ALK: variants seen among roughly 807,000 people sequenced by gnomAD.
The protein encoded by ALK is ALK tyrosine kinase receptor.
Under a neutral mutation model 163.1 loss-of-function variants are expected in ALK, and 74 were observed. The ratio of observed to expected loss-of-function variants is 0.45; its 90% CI spans 0.38 to 0.55. ALK has a LOEUF of 0.55. Ranked by LOEUF, ALK falls within the 20% of genes least tolerant of loss-of-function variation. The probability of loss-of-function intolerance (pLI) is 0.00; values close to 1 mark genes in which losing one functional copy is unlikely to be tolerated. For synonymous variants in ALK, 960 were observed against 843.2 expected (o/e 1.14, Z -2.40); for missense variants, 2,063 against 2,105.3 (o/e 0.98, Z 0.39).
intron 1 of ALK, among the ~76,000 whole-genome samples, chr2:29,811,602 C>T (rs1664762444): frequency 6.6e-6 from 1 of 152,150 alleles, no homozygotes; most frequent in Non-Finnish European, 1.5e-5. Context: ...TATTCCCGTG[C>T]TCCTAACACA....
intron 5 of ALK, among the ~76,000 whole-genome samples, chr2:29,345,812 A>G (rs1667933169): frequency 6.6e-6 from 1 of 152,208 alleles, no homozygotes; most frequent in Non-Finnish European, 1.5e-5. Flanking sequence ...GAAAATTTTC[A>G]TAATAAATTA....
At chr2:29,502,193 C>T (rs1227369048) in intron 4 of ALK, among the ~76,000 whole-genome samples, 2 of 152,172 alleles carry the variant, frequency 1.3e-5, no homozygotes, top group Non-Finnish European at 2.9e-5. Context: ...ATAGTCCATG[C>T]AGCACCCTTA....
chr2:29,305,970 C>T (rs1172613887), intron 8 of ALK, among the ~76,000 whole-genome samples: 1 of 152,098 alleles, frequency 6.6e-6, no homozygotes, highest in Non-Finnish European at 1.5e-5. Flanking sequence ...AGAGCTCTGG[C>T]AGTAACGCGA....
intron 1 of ALK, among the ~76,000 whole-genome samples, chr2:29,745,657 C>A (rs1680190307): frequency 6.6e-6 from 1 of 152,204 alleles, no homozygotes; most frequent in African/African-American, 2.4e-5. Flanking sequence ...AAAAGTCCTT[C>A]TCAGATTATC....
intron 4 of ALK, among the ~76,000 whole-genome samples, chr2:29,410,233 T>C (rs1413651573): frequency 6.6e-6 from 1 of 152,204 alleles, no homozygotes; most frequent in Non-Finnish European, 1.5e-5. Context: ...CCTCCCATTC[T>C]ATTCAAAGTC....
intron 4 of ALK, among the ~76,000 whole-genome samples, chr2:29,429,117 G>T (rs1035769093): frequency 3.9e-5 from 6 of 151,904 alleles, no homozygotes; most frequent in African/African-American, 1.4e-4. Flanking sequence ...CTAATAAAGG[G>T]CATCTACAAA....
At chr2:29,710,940 C>T (rs141770700) in intron 2 of ALK, among the ~76,000 whole-genome samples, 2 of 152,170 alleles carry the variant, frequency 1.3e-5, no homozygotes, top group African/African-American at 2.4e-5. Flanking sequence ...AACTTGATTA[C>T]GGTGGATCTC....
intron 4 of ALK, among the ~76,000 whole-genome samples, chr2:29,490,124 G>A (rs1158448606): frequency 6.6e-6 from 1 of 152,240 alleles, no homozygotes; most frequent in Non-Finnish European, 1.5e-5. Flanking sequence ...TAGGCAGCGA[G>A]TATGCCTTGA....
At chr2:29,440,473 C>T (rs2148080819) in intron 4 of ALK, among the ~76,000 whole-genome samples, 1 of 152,066 alleles carries the variant, frequency 6.6e-6, no homozygotes, top group Non-Finnish European at 1.5e-5. Context: ...TCTGCCACCA[C>T]ACCCAGCTAA....
At chr2:29,704,020 C>A (rs1027119475) in intron 2 of ALK, among the ~76,000 whole-genome samples, 3 of 152,318 alleles carry the variant, frequency 2.0e-5, no homozygotes, top group African/African-American at 7.2e-5. Flanking sequence ...GCTTCACTTA[C>A]TGGCCCCTCC....
intron 1 of ALK, among the ~76,000 whole-genome samples, chr2:29,905,163 C>T (rs1052008007): frequency 6.6e-6 from 1 of 152,206 alleles, no homozygotes; most frequent in Non-Finnish European, 1.5e-5. Flanking sequence ...ATCAAACATT[C>T]TCATTACTTA....
intron 3 of ALK, among the ~76,000 whole-genome samples, chr2:29,580,871 G>A (rs1674669340): frequency 1.3e-5 from 2 of 152,312 alleles, no homozygotes; most frequent in African/African-American, 2.4e-5. Context: ...GCTGAGGGAC[G>A]GCTCCTATGC....
intron 1 of ALK, among the ~76,000 whole-genome samples, chr2:29,821,088 G>A (rs1276189829): frequency 6.6e-6 from 1 of 152,248 alleles, no homozygotes; most frequent in Non-Finnish European, 1.5e-5. Flanking sequence ...AGGGGATCGA[G>A]ACTACTGCCA....
At chr2:29,540,249 T>C (rs1444607572) in intron 3 of ALK, among the ~76,000 whole-genome samples, 1 of 152,174 alleles carries the variant, frequency 6.6e-6, no homozygotes, top group African/African-American at 2.4e-5. Flanking sequence ...AGATGTCACT[T>C]TCTGACAGGC....
rs189661286 is a variant in ALK at position 29,528,337 on chromosome 2, G to A, written c.1154+3578C>T. 2.1e-3 allele frequency among the ~76,000 whole-genome samples: 323 copies of A among 152,258 alleles called. 6 individuals are homozygous for A. Among genetic ancestry groups the A allele is most frequent in the Non-Finnish European group, 5.4e-4 (37 of 68,018 alleles). ...CCATCAAGCTTGCGTTCTTGCATCC[G>A]GGAGAGGACCAATTTTACACAGACA... On this transcript the variant is annotated intron_variant, in intron 4 of 28. Transcript: ENST00000389048.
At chr2:29,815,874 C>T (rs1467684173) in intron 1 of ALK, among the ~76,000 whole-genome samples, 1 of 152,106 alleles carries the variant, frequency 6.6e-6, no homozygotes, top group Non-Finnish European at 1.5e-5. Flanking sequence ...TGTAAGGAGT[C>T]CATGAATGTT....
intron 4 of ALK, among the ~76,000 whole-genome samples, chr2:29,458,171 C>T (rs1226533079): frequency 6.6e-6 from 1 of 152,152 alleles, no homozygotes; most frequent in Non-Finnish European, 1.5e-5. Flanking sequence ...TGTACACACA[C>T]ATAGCTATGT....
intron 4 of ALK, among the ~76,000 whole-genome samples, chr2:29,447,967 TAAG>T (rs1389283884): frequency 1.3e-5 from 2 of 152,160 alleles, no homozygotes; most frequent in Non-Finnish European, 2.9e-5. Context: ...CAAAAACTGA[TAAG>T]GAGTCAAAAC....
chr2:29,677,165 A>G (rs13432398), intron 3 of ALK, among the ~76,000 whole-genome samples: 10,525 of 148,504 alleles, frequency 0.071, 1,162 homozygotes, highest in African/African-American at 0.24. Flanking sequence ...TCCAATCTGT[A>G]TATCTGCATG....
Sources: gnomAD v4.1 joint callset for allele counts (sites outside exome capture counted in the v4.1 genomes callset) on GRCh38, gnomAD v4.1.1 for gene constraint, MANE v1.5 for transcripts, NCBI Gene and HGNC (gene_info 2026-07-23, HGNC 2026-07-21) for gene names.